Variants in SLC30A8 observed in about 807,000 individuals in gnomAD.
SLC30A8 encodes solute carrier family 30 member 8.
SLC30A8 carries 27 observed loss-of-function variants against 36.9 expected under a neutral mutation model. The observed-to-expected ratio is 0.73, with a 90% CI of 0.54 to 1.01. The LOEUF is 1.01. SLC30A8 is among the 50% of genes least tolerant of loss of function. The pLI is 0.00. For synonymous variants in SLC30A8, 164 were observed against 172.4 expected, an observed-to-expected ratio of 0.95 and a Z score of 0.38; for missense variants, 439 against 452.0, an observed-to-expected ratio of 0.97 and a Z score of 0.26.
At chr8:117,125,211 T>C (rs144290301) in intron 2 of SLC30A8, among the ~76,000 whole-genome samples, 19 of 152,124 alleles carry the variant, frequency 1.2e-4, no homozygotes, top group African/African-American at 4.6e-4. Context: ...TGATTGCATT[T>C]GAGATTCTTG....
chr8:117,138,764 G>A (rs760442097), intron 1 of SLC30A8, among the ~76,000 whole-genome samples: 4 of 151,914 alleles, frequency 2.6e-5, no homozygotes, highest in African/African-American at 7.2e-5. Flanking sequence ...ACTACGATCC[G>A]TATTCAGTGC....
chr8:116,954,628 TA>T (rs1400479701), intron 1 of SLC30A8, among the ~76,000 whole-genome samples: 1 of 151,966 alleles, frequency 6.6e-6, no homozygotes, highest in Non-Finnish European at 1.5e-5. Flanking sequence ...AGAATCTGAG[TA>T]ATAATGGGTT....
intron 6 of SLC30A8, among the ~76,000 whole-genome samples, chr8:117,165,219 C>T (rs1003975570): frequency 6.6e-6 from 1 of 152,130 alleles, no homozygotes; most frequent in African/African-American, 2.4e-5. Context: ...ATGGGAATAT[C>T]ACATCCACAA....
intron 2 of SLC30A8, among the ~76,000 whole-genome samples, chr8:117,094,871 A>G (rs1459051286): frequency 2.0e-5 from 3 of 152,120 alleles, no homozygotes; most frequent in Admixed American, 2.0e-4. Context: ...GCTTGTTGGC[A>G]CCCAAAGTCC....
chr8:117,004,686 A>G (rs1816116754), intron 1 of SLC30A8, among the ~76,000 whole-genome samples: 1 of 152,160 alleles, frequency 6.6e-6, no homozygotes, highest in Admixed American at 6.5e-5. Flanking sequence ...ACCAAAAATT[A>G]TGTACATAAG....
intron 1 of SLC30A8, among the ~76,000 whole-genome samples, chr8:116,978,638 A>G (rs142262110): frequency 3.3e-5 from 5 of 152,316 alleles, no homozygotes; most frequent in African/African-American, 9.6e-5. Flanking sequence ...TATCTCACAA[A>G]AATGTTATGA....
intron 2 of SLC30A8, among the ~76,000 whole-genome samples, chr8:117,121,099 A>T (rs1820677277): frequency 6.6e-6 from 1 of 151,864 alleles, no homozygotes; most frequent in Non-Finnish European, 1.5e-5. Context: ...TTCCTCAATA[A>T]ATAAGAAATA....
At chr8:117,171,299 ACCAAGGGCCTTTGAAACCAGC>A in intron 7 of SLC30A8, 131 bp downstream of exon 7, 4 of 1,050,400 alleles carry the variant, frequency 3.8e-6, no homozygotes. Flanking sequence ...GTTTTCTATT[ACCAAGGGCCTTTGAAACCAGC>A]CCACTTATTG....
rs1027359754 is a variant in SLC30A8 at position 117,147,172 on chromosome 8, T to G, written c.271+19T>G. On this transcript the variant is annotated intron_variant, in intron 2 of 7. Transcript: ENST00000456015. ...GTCGTGGGTGAGTCTTTCTGCAGACTTTTTTCATTAAACAACCAAACAAAA... is the reference window on the plus strand; with the variant it reads ...GTCGTGGGTGAGTCTTTCTGCAGACGTTTTTCATTAAACAACCAAACAAAA... The G allele has an allele frequency of 6.2e-7, 1 of 1,607,708 alleles. No homozygotes were observed.
At chr8:116,965,412 C>T (rs1204200535) in intron 1 of SLC30A8, among the ~76,000 whole-genome samples, 6 of 152,166 alleles carry the variant, frequency 3.9e-5, no homozygotes, top group Non-Finnish European at 8.8e-5. Flanking sequence ...TAACAAGAAA[C>T]ATTAAAAATT....
rs112553488 is a variant in SLC30A8 at position 117,067,125 on chromosome 8, T to C, written c.-226+27867T>C. ...ACCCCTTATAAAACCATCGAATCTC[T>C]TGAGAACGCTCACTATCACAAGAAC... On this transcript the variant is annotated intron_variant, in intron 2 of 10. Transcript: ENST00000427715. Among the ~76,000 whole-genome samples, 284 of 152,180 alleles carry C rather than the reference T, an allele frequency of 1.9e-3. 3 individuals are homozygous for C. The highest frequency in any genetic ancestry group is 3.4e-3 in the Middle Eastern group (1 of 294).
chr8:116,994,546 G>T (rs747572851), intron 1 of SLC30A8, among the ~76,000 whole-genome samples: 1 of 152,082 alleles, frequency 6.6e-6, no homozygotes, highest in Non-Finnish European at 1.5e-5. Context: ...CAGTTCTGTA[G>T]GATTCTATTT....
intron 2 of SLC30A8, among the ~76,000 whole-genome samples, chr8:117,050,562 C>T (rs970713493): frequency 6.6e-6 from 1 of 151,996 alleles, no homozygotes; most frequent in Non-Finnish European, 1.5e-5. Context: ...AGCACCACCG[C>T]GCTTGGCTAA....
chr8:117,093,967 C>T (rs543629740), intron 2 of SLC30A8, among the ~76,000 whole-genome samples: 16 of 152,366 alleles, frequency 1.1e-4, no homozygotes, highest in African/African-American at 3.6e-4. Context: ...AGCACTGGCG[C>T]TGGCTCCCTG....
At chr8:117,014,883 C>A (rs11998147) in intron 1 of SLC30A8, among the ~76,000 whole-genome samples, 1 of 152,238 alleles carries the variant, frequency 6.6e-6, no homozygotes, top group Admixed American at 6.5e-5. Flanking sequence ...GCTGATGTCA[C>A]ATGAATAAAA....
At chr8:116,989,542 AATTATT>A (rs545787611) in intron 1 of SLC30A8, among the ~76,000 whole-genome samples, 1 of 152,218 alleles carries the variant, frequency 6.6e-6, no homozygotes, top group Non-Finnish European at 1.5e-5. Context: ...TATTCAAAAT[AATTATT>A]ATTGTTTATT....
chr8:117,074,490 TG>T (rs1251537602), intron 2 of SLC30A8, among the ~76,000 whole-genome samples: 1 of 152,172 alleles, frequency 6.6e-6, no homozygotes, highest in East Asian at 1.9e-4. Context: ...AATTGCTACA[TG>T]CTATACAGAT....
At position 117,169,132 on chromosome 8, in the gene SLC30A8, G is replaced by A. The variant is rs571769969; in HGVS notation, c.830-1902G>A. Among the ~76,000 whole-genome samples, 3 of 152,174 alleles carry A rather than the reference G, an allele frequency of 2.0e-5. No homozygotes were observed. In the East Asian group the frequency reaches 5.8e-4, roughly 29 times the overall value. ...CAAGAACTCCTTTCATCTGCTTCTA[G>A]GAGCCTAGGTCTTTTGCCACTCATA... On this transcript the variant is annotated intron_variant, in intron 6 of 7. Coordinates refer to ENST00000456015, the MANE Select transcript of SLC30A8 (RefSeq NM_173851.3).
intron 1 of SLC30A8, among the ~76,000 whole-genome samples, chr8:117,012,722 T>TACACAC (rs1491474446): frequency 4.7e-5 from 2 of 42,498 alleles, no homozygotes; most frequent in East Asian, 7.1e-4. Context: ...TAGACATATG[T>TACACAC]ATACACACAC....
Sources: gnomAD v4.1 joint callset for allele counts (sites outside exome capture counted in the v4.1 genomes callset) on GRCh38, gnomAD v4.1.1 for gene constraint, MANE v1.5 for transcripts, NCBI Gene and HGNC (gene_info 2026-07-23, HGNC 2026-07-21) for gene names.